The following TPD52L1 variants were observed in gnomAD, a reference collection of about 807,000 sequenced individuals.
TPD52L1 encodes the protein TPD52 like 1.
TPD52L1 carries 18 observed loss-of-function variants against 28.7 expected under a neutral mutation model. The ratio of observed to expected loss-of-function variants is 0.63; its 90% confidence interval spans 0.43 to 0.93. The LOEUF (loss-of-function observed/expected upper bound fraction) is 0.93, where lower values mean the gene tolerates loss of function less well. TPD52L1 is among the 40% of genes least tolerant of loss of function. TPD52L1 has a pLI of 0.00. For missense variants in TPD52L1, 203 were observed against 254.8 expected (o/e 0.80, Z 1.39); for synonymous variants, 75 against 88.8 (o/e 0.84, Z 0.88).
chr6:125,233,945 G>A (rs1796105049), intron 3 of TPD52L1, among the ~76,000 whole-genome samples: 1 of 152,142 alleles, frequency 6.6e-6, no homozygotes. Context: ...AAGATCCCCT[G>A]TTGGCGTGCT....
chr6:125,213,522 G>C (rs1443422105), intron 1 of TPD52L1, among the ~76,000 whole-genome samples: 1 of 152,130 alleles, frequency 6.6e-6, no homozygotes, highest in Non-Finnish European at 1.5e-5. Context: ...GCTCTCATTG[G>C]AGGGAGATTC....
At chr6:125,241,615 A>C (rs934673802) in intron 3 of TPD52L1, among the ~76,000 whole-genome samples, 21 of 151,940 alleles carry the variant, frequency 1.4e-4, no homozygotes, top group African/African-American at 5.1e-4. Flanking sequence ...GTGTGCATGA[A>C]GGTATTTGTA....
intron 1 of TPD52L1, among the ~76,000 whole-genome samples, chr6:125,201,234 G>A (rs1180694437): frequency 1.3e-5 from 2 of 152,134 alleles, no homozygotes; most frequent in African/African-American, 4.8e-5. Flanking sequence ...ATAAGAAAGT[G>A]AGTTAATGTA....
intron 1 of TPD52L1, among the ~76,000 whole-genome samples, chr6:125,172,942 G>T (rs1791592132): frequency 6.6e-6 from 1 of 151,972 alleles, no homozygotes; most frequent in African/African-American, 2.4e-5. Flanking sequence ...AAAAATAAAT[G>T]AGAAGGAAAT....
At chr6:125,221,386 T>A (rs894214030) in intron 2 of TPD52L1, among the ~76,000 whole-genome samples, 17 of 152,284 alleles carry the variant, frequency 1.1e-4, no homozygotes, top group African/African-American at 3.9e-4. Flanking sequence ...GGCTCATGAC[T>A]AGTTCATGTC....
intron 3 of TPD52L1, among the ~76,000 whole-genome samples, chr6:125,239,247 G>A (rs964829516): frequency 3.3e-5 from 5 of 151,886 alleles, no homozygotes; most frequent in Non-Finnish European, 5.9e-5. Context: ...ATTTTTTCAC[G>A]TTTGTTGGCC....
At chr6:125,261,186 C>T (rs1267115314) in intron 6 of TPD52L1, 1 of 151,916 alleles carries the variant, frequency 6.6e-6, no homozygotes, top group Non-Finnish European at 1.5e-5. Context: ...TACTGTCTGG[C>T]CCTTTACAGG....
chr6:125,203,871 A>G (rs1793948937), intron 1 of TPD52L1: 2 of 828,236 alleles, frequency 2.4e-6, no homozygotes, highest in Non-Finnish European at 2.9e-6. Flanking sequence ...AAAACAGTTT[A>G]TAAACAATTT....
chr6:125,233,583 T>C (rs1796080540), intron 3 of TPD52L1, among the ~76,000 whole-genome samples: 1 of 152,240 alleles, frequency 6.6e-6, no homozygotes, highest in African/African-American at 2.4e-5. Flanking sequence ...TATGTTCTGA[T>C]AACATATTTA....
intron 2 of TPD52L1, among the ~76,000 whole-genome samples, chr6:125,223,198 C>T (rs770813363): frequency 9.8e-4 from 150 of 152,296 alleles, no homozygotes; most frequent in Non-Finnish European, 1.9e-3. Context: ...TCTCTTCCCT[C>T]CCCTCTGTCT....
chr6:125,164,988 T>C (rs1354845472), intron 1 of TPD52L1, among the ~76,000 whole-genome samples: 1 of 147,362 alleles, frequency 6.8e-6, no homozygotes, highest in African/African-American at 2.6e-5. Context: ...TGGTGAGTGC[T>C]TATAGTCCCA....
At chr6:125,253,655 T>C (rs1797411831) in intron 4 of TPD52L1, 62 bp from the exon 5 acceptor site, 4 of 1,445,786 alleles carry the variant, frequency 2.8e-6, no homozygotes, top group Non-Finnish European at 3.8e-6. Flanking sequence ...GAGTTTTTCA[T>C]GTACTTATGT....
At chr6:125,247,053 C>T (rs965876987) in intron 3 of TPD52L1, among the ~76,000 whole-genome samples, 1 of 151,986 alleles carries the variant, frequency 6.6e-6, no homozygotes, top group African/African-American at 2.4e-5. Context: ...GACCAAGGCA[C>T]ATATTTGAAA....
Position 125,263,204 on chromosome 6 carries a change from G to A in TPD52L1, c.*242G>A. The stretch of plus-strand genomic sequence containing the variant: ...GTCACATTTTAAAATGTTCCCACTT[G>A]AGCAGGTACACAACTGGTCATAATT... On this transcript the variant is annotated 3_prime_UTR_variant, in exon 7 of 7. Coordinates refer to ENST00000534000, the MANE Select transcript of TPD52L1 (RefSeq NM_003287.4). 1 of 513,794 alleles carries A rather than the reference G, an allele frequency of 1.9e-6. No individual in the cohort carries two copies. The highest frequency in any genetic ancestry group is 3.4e-6 in the Non-Finnish European group (1 of 291,620). The allele number at this position is 513,794 out of a possible 1,614,324, so 31.8% of individuals were successfully genotyped here.
At chr6:125,241,385 G>C (rs6903396) in intron 3 of TPD52L1, among the ~76,000 whole-genome samples, 1 of 151,808 alleles carries the variant, frequency 6.6e-6, no homozygotes, top group African/African-American at 2.4e-5. Context: ...GAATAGTTCT[G>C]GTAGGATTGG....
At chr6:125,168,794 C>A (rs1791083684) in intron 1 of TPD52L1, among the ~76,000 whole-genome samples, 1 of 152,050 alleles carries the variant, frequency 6.6e-6, no homozygotes, top group African/African-American at 2.4e-5. Context: ...GGGATTAAGG[C>A]CTTCTGAGAT....
At chr6:125,185,601 G>A (rs1023273475) in intron 1 of TPD52L1, among the ~76,000 whole-genome samples, 1 of 151,948 alleles carries the variant, frequency 6.6e-6, no homozygotes, top group South Asian at 2.1e-4. Flanking sequence ...AAATCTATGA[G>A]ACGAAGAGAG....
rs1160494 is a variant in TPD52L1 at position 125,263,842 on chromosome 6, G to A, written c.*880G>A. On this transcript the variant is annotated 3_prime_UTR_variant, in exon 7 of 7. Transcript: ENST00000534000. ...CTACTCCAGCCTGGGTGACAGAGTGGGACACTGTCTCCAAAAATAGTAATA... is the reference window on the plus strand; with the variant it reads ...CTACTCCAGCCTGGGTGACAGAGTGAGACACTGTCTCCAAAAATAGTAATA... 0.95 allele frequency: 144,896 copies of A among 152,270 alleles called. 69,008 individuals are homozygous for A. Among genetic ancestry groups the A allele is most frequent in the East Asian group, 1 (5,173 of 5,180 alleles). 9.4% of individuals were successfully genotyped at this position (152,270 alleles called of 1,614,324 possible). A position where few individuals can be genotyped will look rare whatever the true frequency, so the allele number is the denominator to read the frequency against.
intron 1 of TPD52L1, among the ~76,000 whole-genome samples, chr6:125,177,304 C>T (rs528820133): frequency 6.6e-6 from 1 of 152,304 alleles, no homozygotes; most frequent in East Asian, 1.9e-4. Context: ...CTCATTTCAG[C>T]TTGTCAGATC....
Sources: gnomAD v4.1 joint callset for allele counts (sites outside exome capture counted in the v4.1 genomes callset) on GRCh38, gnomAD v4.1.1 for gene constraint, MANE v1.5 for transcripts, NCBI Gene and HGNC (gene_info 2026-07-23, HGNC 2026-07-21) for gene names.